Variants in TRAP1 observed in about 807,000 individuals in gnomAD.
TRAP1 encodes the protein heat shock protein 75 kDa, mitochondrial.
A neutral mutation model predicts 89.1 loss-of-function variants in TRAP1; 102 were observed. That is an observed-to-expected ratio of 1.15 (90% CI 0.98 to 1.35). The LOEUF (loss-of-function observed/expected upper bound fraction) is 1.35. Among genes scored for constraint, TRAP1 ranks in the 40% most tolerant of loss-of-function variants. The pLI, the probability that TRAP1 is intolerant of heterozygous loss-of-function variation, is 0.00. For missense variants in TRAP1, 1,256 were observed against 945.3 expected (o/e 1.33, Z -4.31); for synonymous variants, 508 against 388.0 (o/e 1.31, Z -3.64).
At chr16:3,705,931 G>T (rs973949119) in intron 1 of TRAP1, among the ~76,000 whole-genome samples, 1 of 151,052 alleles carries the variant, frequency 6.6e-6, no homozygotes, top group Non-Finnish European at 1.5e-5. Context: ...GACCTCAGGT[G>T]ATCGGCCCAC....
intron 1 of TRAP1, among the ~76,000 whole-genome samples, chr16:3,708,017 T>C (rs1450109237): frequency 6.6e-6 from 1 of 152,044 alleles, no homozygotes; most frequent in Non-Finnish European, 1.5e-5. Context: ...GGACCCCATC[T>C]CTAAAAAAAA....
chr16:3,664,551 C>A, intron 12 of TRAP1, 92 bp from the exon 13 acceptor site: 1 of 1,353,668 alleles, frequency 7.4e-7, no homozygotes. Context: ...ATGCCCATGG[C>A]CTCCTGGCAC....
chr16:3,672,866 A>G (rs2050933726), intron 9 of TRAP1, 46 bp from the exon 10 acceptor site: 1 of 1,578,430 alleles, frequency 6.3e-7, no homozygotes, highest in Non-Finnish European at 8.6e-7. Context: ...GACCCTCCCC[A>G]GGCAGGCCCT....
intron 11 of TRAP1, among the ~76,000 whole-genome samples, chr16:3,667,646 T>TAA (rs1214753607): frequency 6.8e-6 from 1 of 147,816 alleles, no homozygotes; most frequent in African/African-American, 2.5e-5. Context: ...AATAAATAAA[T>TAA]AAATAAAAAT....
intron 5 of TRAP1, 54 bp downstream of exon 5, chr16:3,679,665 G>C: frequency 6.3e-7 from 1 of 1,591,892 alleles, no homozygotes; most frequent in Non-Finnish European, 8.6e-7. Flanking sequence ...CCTACTGGAG[G>C]GATCCTTGCA....
At chr16:3,697,527 A>G (rs915292389) in intron 1 of TRAP1, among the ~76,000 whole-genome samples, 36 of 151,628 alleles carry the variant, frequency 2.4e-4, no homozygotes, top group Admixed American at 2.1e-3. Flanking sequence ...AGCCAGGCGT[A>G]GTGGTGGGCG....
At chr16:3,710,874 TATA>T (rs199835889) in intron 1 of TRAP1, among the ~76,000 whole-genome samples, 4,001 of 124,702 alleles carry the variant, frequency 0.032, 94 homozygotes, top group Admixed American at 0.04. Flanking sequence ...TATATATATA[TATA>T]TATTTTTTTT....
intron 1 of TRAP1, among the ~76,000 whole-genome samples, chr16:3,712,685 G>GCAACCTC (rs1225459670): frequency 1.3e-5 from 2 of 152,160 alleles, no homozygotes; most frequent in African/African-American, 4.8e-5. Context: ...TTGGCTCACT[G>GCAACCTC]CAACCTCCAA....
At chr16:3,663,340 C>A in intron 14 of TRAP1, 84 bp downstream of exon 14, 1 of 1,569,358 alleles carries the variant, frequency 6.4e-7, no homozygotes. Flanking sequence ...TGACGAAAAC[C>A]CAAAGGAAGC....
chr16:3,683,043 C>G (rs377227630), intron 4 of TRAP1, among the ~76,000 whole-genome samples: 23 of 152,130 alleles, frequency 1.5e-4, no homozygotes, highest in African/African-American at 5.3e-4. Flanking sequence ...TGGCACATAC[C>G]TGTAATCCCA....
rs767858411 is a variant in TRAP1 at position 3,703,054 on chromosome 16, A to G, written c.89-12069T>C. 7.4e-3 allele frequency among the ~76,000 whole-genome samples: 1,110 copies of G among 150,382 alleles called. 14 individuals are homozygous for G. Among genetic ancestry groups the G allele is most frequent in the Non-Finnish European group, 0.012 (830 of 67,726 alleles). On this transcript the variant is annotated intron_variant, in intron 1 of 17. Transcript: ENST00000246957. ...TGAAACTCCGTCTTGAAAAAAAAAA[A>G]AAAAAAAAAAAAGCATTCAGTAAGA...
At position 3,670,344 on chromosome 16, in the gene TRAP1, C is replaced by A. The variant is rs181395629; in HGVS notation, c.1235+1378G>T. On this transcript the variant is annotated intron_variant, in intron 11 of 17. Transcript: ENST00000246957. ...GTTGCAGTGAGCCGAGACTGCGCCA[C>A]TGCACTCCAGCCTGGGCGACAGAGC... 3.9e-3 allele frequency among the ~76,000 whole-genome samples: 517 copies of A among 133,534 alleles called. 3 individuals are homozygous for A. Among genetic ancestry groups the A allele is most frequent in the African/African-American group, 0.014 (490 of 34,226 alleles). 87.6% of individuals were successfully genotyped at this position (133,534 alleles called of 152,430 possible).
chr16:3,708,338 A>C (rs941722495), intron 1 of TRAP1, among the ~76,000 whole-genome samples: 3 of 152,088 alleles, frequency 2.0e-5, no homozygotes, highest in African/African-American at 7.2e-5. Context: ...ATACAAAAAA[A>C]AACAAAAATT....
intron 1 of TRAP1, among the ~76,000 whole-genome samples, chr16:3,710,142 TAAA>T (rs1252749281): frequency 6.6e-6 from 1 of 152,040 alleles, no homozygotes; most frequent in Non-Finnish European, 1.5e-5. Flanking sequence ...TCCTTGAACA[TAAA>T]GAAAAAGAAC....
In TRAP1 at chr16:3,677,648, T is replaced by C. The variant is rs1425011416; in HGVS notation, c.554A>G (p.Asp185Gly). Residue 185 changes from aspartate (D) to glycine (G), a missense_variant, in exon 6 of 18, where the codon GAT becomes GGT. Asp to Gly is a moderately conservative substitution (Grantham distance 94). Coordinates refer to ENST00000246957, the MANE Select transcript of TRAP1 (RefSeq NM_016292.3). ...GGCCTCAGCCTGGTTCTGCAGAGCA[T>C]CCAGGAAGGCCTGTGGGGCAGAGGC... ...IARSGSKAFLDALQNQAEASS... is the reference protein window; with the variant it reads ...IARSGSKAFLGALQNQAEASS... 1 of 1,613,740 alleles carries C rather than the reference T, an allele frequency of 6.2e-7. No homozygotes were observed. Among genetic ancestry groups the C allele is most frequent in the South Asian group, 1.1e-5 (1 of 91,054 alleles).
At chr16:3,674,848 G>T in intron 8 of TRAP1, 1 of 359,836 alleles carries the variant, frequency 2.8e-6, no homozygotes, top group Non-Finnish European at 5.2e-6. Context: ...GCTGAGCCGC[G>T]AGGGGGAAGT....
intron 3 of TRAP1, among the ~76,000 whole-genome samples, chr16:3,688,237 A>G (rs911403313): frequency 1.1e-4 from 17 of 151,544 alleles, no homozygotes; most frequent in Admixed American, 1.3e-4. Flanking sequence ...CTGGACTCAC[A>G]CAATCCTCCT....
chr16:3,676,149 A>T lies in TRAP1; in HGVS notation c.705-4T>A. 1 of 1,612,352 alleles carries T rather than the reference A, an allele frequency of 6.2e-7. No homozygotes were observed. The highest frequency in any genetic ancestry group is 8.5e-7 in the Non-Finnish European group (1 of 1,179,126). On this transcript the variant is annotated splice_region_variant and splice_polypyrimidine_tract_variant and intron_variant, in intron 6 of 17. Coordinates refer to ENST00000246957, the MANE Select transcript of TRAP1 (RefSeq NM_016292.3). The stretch of plus-strand genomic sequence containing the variant: ...GGCGATTTCAAACACTCCAGAACTA[A>T]GGCAGGCAAAGAAAGGAAAAGCCAG...
chr16:3,669,255 AG>A (rs1350023777), intron 11 of TRAP1, among the ~76,000 whole-genome samples: 2 of 152,174 alleles, frequency 1.3e-5, no homozygotes, highest in African/African-American at 4.8e-5. Context: ...AGTACACCAA[AG>A]AGCACGACTC....
Sources: allele counts gnomAD v4.1 joint callset (sites outside exome capture counted in the v4.1 genomes callset), GRCh38; gene constraint gnomAD v4.1.1; transcripts MANE v1.5; gene names NCBI Gene and HGNC (gene_info 2026-07-23, HGNC 2026-07-21).